The following IGF1R variants were observed in gnomAD, a reference collection of about 807,000 sequenced individuals.
IGF1R encodes the protein insulin-like growth factor 1 receptor.
A neutral mutation model predicts 144.6 loss-of-function variants in IGF1R; 44 were observed. The ratio of observed to expected loss-of-function variants is 0.30; its 90% CI spans 0.24 to 0.39. The LOEUF (loss-of-function observed/expected upper bound fraction) is 0.39. IGF1R is among the 10% of genes least tolerant of loss of function. The pLI, the probability that IGF1R is intolerant of heterozygous loss-of-function variation, is 1.00. For synonymous variants in IGF1R, 795 were observed against 722.8 expected (o/e 1.10, Z -1.60); for missense variants, 1,355 against 1,833.7 (o/e 0.74, Z 4.77).
chr15:98,755,513 G>T (rs1418150550), intron 2 of IGF1R, among the ~76,000 whole-genome samples: 1 of 151,864 alleles, frequency 6.6e-6, no homozygotes, highest in Non-Finnish European at 1.5e-5. Flanking sequence ...GGCTGAAGTG[G>T]GTGGATCACC....
rs2017235642 is a variant in IGF1R at position 98,961,766 on chromosome 15, C to T, written c.*4324C>T. ...TCAAGACCCAGACCACCCCAGGTCT[C>T]CTTCGTGGGATGTCATGACGTTTGA... is the stretch of plus-strand genomic sequence containing the variant. On this transcript the variant is annotated 3_prime_UTR_variant, in exon 21 of 21. Transcript: ENST00000650285. 1.7e-5 allele frequency: 4 copies of T among 233,418 alleles called. No homozygotes were observed. The highest frequency in any genetic ancestry group is 1.2e-4 in the East Asian group (2 of 16,602). 14.5% of individuals were successfully genotyped at this position (233,418 alleles called of 1,614,324 possible).
chr15:98,863,370 T>G (rs1287230280), intron 2 of IGF1R, among the ~76,000 whole-genome samples: 1 of 152,214 alleles, frequency 6.6e-6, no homozygotes, highest in Admixed American at 6.5e-5. Flanking sequence ...CTCTTTGTAA[T>G]TAGGAAGAAT....
intron 2 of IGF1R, among the ~76,000 whole-genome samples, chr15:98,807,323 G>A (rs1023449333): frequency 1.3e-5 from 2 of 152,230 alleles, no homozygotes; most frequent in Admixed American, 6.5e-5. Context: ...TGTGGGACAC[G>A]TTCTTTGTCC....
intron 13 of IGF1R, among the ~76,000 whole-genome samples, chr15:98,926,740 G>C (rs890903746): frequency 6.6e-6 from 1 of 152,186 alleles, no homozygotes; most frequent in Admixed American, 6.5e-5. Flanking sequence ...TTATGTGCCT[G>C]GCACTGTTCC....
At chr15:98,674,338 T>C (rs1351940963) in intron 1 of IGF1R, among the ~76,000 whole-genome samples, 1 of 152,202 alleles carries the variant, frequency 6.6e-6, no homozygotes. Context: ...ACATGGTGAA[T>C]GTTCTATAAA....
intron 2 of IGF1R, among the ~76,000 whole-genome samples, chr15:98,857,344 G>C (rs1182554398): frequency 6.6e-6 from 1 of 152,104 alleles, no homozygotes; most frequent in Non-Finnish European, 1.5e-5. Flanking sequence ...TCAGCTTCCT[G>C]AGTATCTGAG....
At chr15:98,706,409 T>C (rs1474265028) in intron 1 of IGF1R, among the ~76,000 whole-genome samples, 1 of 152,242 alleles carries the variant, frequency 6.6e-6, no homozygotes, top group Non-Finnish European at 1.5e-5. Context: ...AGTCATCCAG[T>C]ATTGAGGCCA....
chr15:98,739,784 G>T (rs1270369925), intron 2 of IGF1R, among the ~76,000 whole-genome samples: 1 of 152,140 alleles, frequency 6.6e-6, no homozygotes, highest in African/African-American at 2.4e-5. Context: ...TAGAGATGGG[G>T]TTTCACCATG....
At chr15:98,941,319 G>A (rs188766624) in intron 18 of IGF1R, among the ~76,000 whole-genome samples, 2 of 152,330 alleles carry the variant, frequency 1.3e-5, no homozygotes, top group East Asian at 1.9e-4. Flanking sequence ...GGGCACATGG[G>A]GGGAACTCAG....
At chr15:98,921,548 A>G (rs1045081442) in intron 10 of IGF1R, among the ~76,000 whole-genome samples, 8 of 152,132 alleles carry the variant, frequency 5.3e-5, no homozygotes, top group African/African-American at 1.9e-4. Context: ...TAGCAAGCAC[A>G]GACGCTTGGG....
Position 98,648,845 on chromosome 15 carries a change from AGGCGGCGGCG to A in IGF1R, c.-731_-722del, listed in dbSNP as rs1219485145. 3 of 145,304 alleles carry A rather than the reference AGGCGGCGGCG, an allele frequency of 2.1e-5. No homozygotes were observed. Among genetic ancestry groups the A allele is most frequent in the Non-Finnish European group, 1.5e-5 (1 of 66,318 alleles). 9.0% of individuals were successfully genotyped at this position (145,304 alleles called of 1,614,324 possible). A position where few individuals can be genotyped will look rare whatever the true frequency, so the allele number is the denominator to read the frequency against. On this transcript the variant is annotated 5_prime_UTR_variant, in exon 1 of 21. Transcript: ENST00000650285. The stretch of plus-strand genomic sequence containing the variant: ...GCGAGCCGGAGCCCCCGCGCAGAGC[AGGCGGCGGCG>A]GGCGGGGGCCGGGCGGGGGCCGGCG...
At chr15:98,953,258 G>C (rs1425314357) in intron 20 of IGF1R, 1 of 152,190 alleles carries the variant, frequency 6.6e-6, no homozygotes, top group Non-Finnish European at 1.5e-5. Flanking sequence ...GTCACCGAGT[G>C]TTCTGGCTTT....
At chr15:98,774,691 G>A (rs1245561486) in intron 2 of IGF1R, among the ~76,000 whole-genome samples, 1 of 150,066 alleles carries the variant, frequency 6.7e-6, no homozygotes, top group Non-Finnish European at 1.5e-5. Flanking sequence ...GCGGTGGTGG[G>A]GGGGTGGGGG....
chr15:98,669,856 A>C (rs2052843333), intron 1 of IGF1R, among the ~76,000 whole-genome samples: 1 of 152,140 alleles, frequency 6.6e-6, no homozygotes, highest in Admixed American at 6.5e-5. Context: ...TGCTTGGTAG[A>C]TGGTAGGCCT....
Position 98,922,231 on chromosome 15 carries a change from C to T in IGF1R, c.2285C>T (p.Thr762Ile), listed in dbSNP as rs45522834. The T allele has an allele frequency of 6.2e-7, 1 of 1,614,206 alleles. No individual in the cohort carries two copies. The highest frequency in any genetic ancestry group is 8.5e-7 in the Non-Finnish European group (1 of 1,180,022). Reference sequence around the variant, plus strand: ...AGCAGGAACACCACGGCCGCAGACACCTACAACATCACCGACCCGGAAGAG... The same window carrying T: ...AGCAGGAACACCACGGCCGCAGACATCTACAACATCACCGACCCGGAAGAG... ...SRSRNTTAAD[T>I]YNITDPEELE... The change falls in exon 11 of 21, where the codon ACC becomes ATC. Residue 762 changes from threonine (T) to isoleucine (I), a missense_variant. By Grantham distance (89) the Thr-to-Ile change is moderately conservative. This residue lies in a region of IGF1R where 880 missense variants were observed against 1,202.7 expected (regional missense o/e 0.73). Coordinates refer to ENST00000650285, the MANE Select transcript of IGF1R (RefSeq NM_000875.5).
intron 2 of IGF1R, among the ~76,000 whole-genome samples, chr15:98,726,622 T>C (rs1173906479): frequency 6.6e-6 from 1 of 152,016 alleles, no homozygotes; most frequent in Non-Finnish European, 1.5e-5. Context: ...TGCTTAATTA[T>C]AAAACAGCTT....
intron 2 of IGF1R, among the ~76,000 whole-genome samples, chr15:98,881,581 C>A (rs1158997020): frequency 1.3e-5 from 2 of 152,200 alleles, no homozygotes; most frequent in South Asian, 2.1e-4. Context: ...TCTCGGCCTT[C>A]CAAAGTGCTG....
intron 2 of IGF1R, among the ~76,000 whole-genome samples, chr15:98,720,379 G>A (rs1346772928): frequency 6.6e-6 from 1 of 152,242 alleles, no homozygotes. Context: ...TTGAAGACAA[G>A]GTTGTTGGGG....
chr15:98,699,985 C>T (rs929376374), intron 1 of IGF1R, among the ~76,000 whole-genome samples: 9 of 152,244 alleles, frequency 5.9e-5, no homozygotes, highest in East Asian at 5.8e-4. Flanking sequence ...ATATATACAA[C>T]GTAAACATGT....
Sources: allele counts gnomAD v4.1 joint callset (sites outside exome capture counted in the v4.1 genomes callset), GRCh38; gene constraint gnomAD v4.1.1; regional missense constraint gnomAD v4.1.1; transcripts MANE v1.5; gene names NCBI Gene and HGNC (gene_info 2026-07-23, HGNC 2026-07-21).